ZNF283: variants seen among roughly 807,000 people sequenced by gnomAD.
ZNF283 encodes zinc finger protein 41.
Under a neutral mutation model 9.2 loss-of-function variants are expected in ZNF283, and 10 were observed. That is an observed-to-expected ratio of 1.09 (90% CI 0.67 to 1.85). The LOEUF is 1.85. Among genes scored for constraint, ZNF283 ranks in the 40% most tolerant of loss-of-function variants. ZNF283 has a pLI of 0.00. For synonymous variants in ZNF283, 234 were observed against 244.1 expected (o/e 0.96, Z 0.38); for missense variants, 631 against 760.1 (o/e 0.83, Z 2.00).
rs534239360 is a variant in ZNF283 at position 43,849,871 on chromosome 19, A to G, written c.*1230A>G. 1 of 152,210 alleles carries G rather than the reference A, an allele frequency of 6.6e-6. No homozygotes were observed. The highest frequency in any genetic ancestry group is 2.1e-4 in the South Asian group (1 of 4,826). 9.4% of individuals were successfully genotyped at this position (152,210 alleles called of 1,614,324 possible). On this transcript the variant is annotated 3_prime_UTR_variant, in exon 7 of 7. Transcript: ENST00000618787. ...TTAATACATATTAGCTATTGTTCAT[A>G]TTGTCTTTATTATTAGTATTACTAC...
rs1404768903 is a variant in ZNF283 at position 43,837,052 on chromosome 19, G to A, written c.211-1G>A. On this transcript the variant is annotated splice_acceptor_variant, in intron 5 of 6. Coordinates refer to ENST00000618787, the MANE Select transcript of ZNF283 (RefSeq NM_181845.2). LOFTEE classifies it high-confidence loss of function. ...AGTAATACATGGGTTTTTGGTTTTA[G>A]GGGTTGGTGACATTCAGGGATGTGG... The A allele has an allele frequency of 7.4e-6, 12 of 1,613,618 alleles. No homozygotes were observed. In the Admixed American group the frequency reaches 2.0e-4, roughly 27 times the overall value.
rs72316769 is a variant in ZNF283, at chr19:43,850,441, CTT to C, written c.*1813_*1814del. 8.3e-3 allele frequency: 1,222 copies of C among 146,956 alleles called. 22 individuals are homozygous for C. The highest frequency in any genetic ancestry group is 0.029 in the African/African-American group (1,156 of 39,908). 9.1% of individuals were successfully genotyped at this position (146,956 alleles called of 1,614,324 possible). ...GTGTGATCATATGGTATGTATTTTACTTTTTTTTTTTTTTGGGACAGGATCTC... is the reference window on the plus strand; with the variant it reads ...GTGTGATCATATGGTATGTATTTTACTTTTTTTTTTTTGGGACAGGATCTC... On this transcript the variant is annotated 3_prime_UTR_variant, in exon 7 of 7. Coordinates refer to ENST00000618787, the MANE Select transcript of ZNF283 (RefSeq NM_181845.2).
Position 43,847,505 on chromosome 19 carries a change from C to T in ZNF283, c.904C>T (p.Arg302Cys), listed in dbSNP as rs755039644. 6.2e-6 allele frequency: 10 copies of T among 1,601,206 alleles called. No individual in the cohort carries two copies. The highest frequency in any genetic ancestry group is 3.4e-5 in the Admixed American group (2 of 59,308). Residue 302 changes from arginine to cysteine, a missense_variant, in exon 7 of 7, where the codon CGT (arginine) becomes TGT (cysteine). Arg to Cys is a radical substitution (Grantham distance 180). This residue lies in a region of ZNF283 where 444 missense variants were observed against 522.5 expected (regional missense o/e 0.85). Coordinates refer to ENST00000618787, the MANE Select transcript of ZNF283 (RefSeq NM_181845.2). ...ECKECGKAFS[R>C]GYHLTQHQKI... The stretch of plus-strand genomic sequence containing the variant: ...TAAAGAATGTGGGAAGGCCTTTAGT[C>T]GTGGCTATCACCTTACCCAACATCA...
intron 2 of ZNF283, among the ~76,000 whole-genome samples, chr19:43,830,511 A>G (rs775908850): frequency 2.0e-5 from 3 of 152,172 alleles, no homozygotes; most frequent in Non-Finnish European, 4.4e-5. Flanking sequence ...CAAAGTGTCT[A>G]TAATTTCATG....
chr19:43,832,816 G>T (rs1380117500), intron 3 of ZNF283, among the ~76,000 whole-genome samples: 2 of 152,020 alleles, frequency 1.3e-5, no homozygotes, highest in Admixed American at 1.3e-4. Flanking sequence ...AGGAGTTCGA[G>T]ACCAGCCTGG....
At chr19:43,829,676 A>G (rs1207294750) in intron 2 of ZNF283, among the ~76,000 whole-genome samples, 3 of 152,154 alleles carry the variant, frequency 2.0e-5, no homozygotes, top group African/African-American at 7.2e-5. Flanking sequence ...AACTTTTTAT[A>G]GATTAGAGTA....
chr19:43,835,496 C>T lies in ZNF283; in HGVS notation c.123-9C>T. 1 of 1,602,796 alleles carries T rather than the reference C, an allele frequency of 6.2e-7. No homozygotes were observed. Among genetic ancestry groups the T allele is most frequent in the Non-Finnish European group, 8.5e-7 (1 of 1,172,750 alleles). ...ACACCTGGTTTAACGCTTCGTTTTC[C>T]CTCCCCAGTTCTGGCTTTTCTGGAT... On this transcript the variant is annotated splice_polypyrimidine_tract_variant and intron_variant, in intron 4 of 6. Coordinates refer to ENST00000618787, the MANE Select transcript of ZNF283 (RefSeq NM_181845.2).
chr19:43,845,850 A>C (rs1004728899), intron 6 of ZNF283, among the ~76,000 whole-genome samples: 1 of 152,130 alleles, frequency 6.6e-6, no homozygotes, highest in African/African-American at 2.4e-5. Context: ...TATTGTCAAT[A>C]TACCATGCTG....
At chr19:43,834,410 G>A (rs763002599) in intron 4 of ZNF283, among the ~76,000 whole-genome samples, 17 of 151,444 alleles carry the variant, frequency 1.1e-4, no homozygotes, top group Non-Finnish European at 2.5e-4. Context: ...ATAACTTGGG[G>A]AATTTCATCC....
At chr19:43,827,497 T>G (rs1458096099) in intron 1 of ZNF283, 53 bp downstream of exon 1, 1 of 149,818 alleles carries the variant, frequency 6.7e-6, no homozygotes, top group Non-Finnish European at 1.5e-5. Flanking sequence ...CTGGGAGGGC[T>G]CGGCTGGCTT....
chr19:43,834,107 C>T (rs188890184), intron 4 of ZNF283, among the ~76,000 whole-genome samples: 1 of 152,254 alleles, frequency 6.6e-6, no homozygotes, highest in East Asian at 1.9e-4. Flanking sequence ...TTTTATTCTA[C>T]TAATGTTGGT....
rs1481950477 is a variant in ZNF283, at chr19:43,849,469, C to T, written c.*828C>T. On this transcript the variant is annotated 3_prime_UTR_variant, in exon 7 of 7. Transcript: ENST00000618787. ...TCTCTGATTAGAATAGCAGAATATT[C>T]ATACTATAGCAAGATTTGGCAAATG... 1 of 152,132 alleles carries T rather than the reference C, an allele frequency of 6.6e-6. No individual in the cohort carries two copies. Among genetic ancestry groups the T allele is most frequent in the East Asian group, 1.9e-4 (1 of 5,204 alleles). 9.4% of individuals were successfully genotyped at this position (152,132 alleles called of 1,614,324 possible). A position where few individuals can be genotyped will look rare whatever the true frequency, so the allele number is the denominator to read the frequency against.
chr19:43,831,956 T>C (rs1377404595), intron 3 of ZNF283, among the ~76,000 whole-genome samples: 1 of 150,950 alleles, frequency 6.6e-6, no homozygotes, highest in African/African-American at 2.4e-5. Context: ...TTAAATCCTT[T>C]TTCCTTTGAG....
At position 43,846,917 on chromosome 19, in the gene ZNF283, TGG is replaced by T; in HGVS notation, c.338-21_338-20del. ...TCCCTAGTGAAGGAAATAAAATGTG[TGG>T]TTTTCTTGTTTTCTTTCAGATTTGG... is the stretch of plus-strand genomic sequence containing the variant. On this transcript the variant is annotated intron_variant, in intron 6 of 6. Transcript: ENST00000618787. 1 of 1,430,476 alleles carries T rather than the reference TGG, an allele frequency of 7.0e-7. No individual in the cohort carries two copies. Among genetic ancestry groups the T allele is most frequent in the Non-Finnish European group, 9.3e-7 (1 of 1,079,812 alleles). 88.6% of individuals were successfully genotyped at this position (1,430,476 alleles called of 1,614,324 possible). A position where few individuals can be genotyped will look rare whatever the true frequency, so the allele number is the denominator to read the frequency against.
chr19:43,835,653 A>C, intron 5 of ZNF283, 61 bp downstream of exon 5: 1 of 1,327,192 alleles, frequency 7.5e-7, no homozygotes, highest in Admixed American at 2.0e-5. Flanking sequence ...GAATCTTTTC[A>C]TTAATTTTCC....
At chr19:43,846,123 C>A (rs1400054390) in intron 6 of ZNF283, among the ~76,000 whole-genome samples, 6 of 152,110 alleles carry the variant, frequency 3.9e-5, no homozygotes, top group Non-Finnish European at 8.8e-5. Flanking sequence ...CTCTCAAGAT[C>A]ATTTTGTCTA....
chr19:43,850,396 G>A lies in ZNF283; in HGVS notation c.*1755G>A. On this transcript the variant is annotated 3_prime_UTR_variant, in exon 7 of 7. Transcript: ENST00000618787. ...ATACCTAATAGGATTGGTCAGCCTT[G>A]ATCAATGATCTTTGGAAATGTGTGA... 6.6e-6 allele frequency: 1 copy of A among 151,424 alleles called. No individual in the cohort carries two copies. Among genetic ancestry groups the A allele is most frequent in the Non-Finnish European group, 1.5e-5 (1 of 67,932 alleles). 9.4% of individuals were successfully genotyped at this position (151,424 alleles called of 1,614,324 possible).
Position 43,848,980 on chromosome 19 carries a change from G to T in ZNF283, c.*339G>T. ...GTATTTGTTAAAAAGAGTTTAAATA[G>T]GAGGAATGTGGGAAGGACCTAAACT... On this transcript the variant is annotated 3_prime_UTR_variant, in exon 7 of 7. Coordinates refer to ENST00000618787, the MANE Select transcript of ZNF283 (RefSeq NM_181845.2). 1 of 156,810 alleles carries T rather than the reference G, an allele frequency of 6.4e-6. No homozygotes were observed. The highest frequency in any genetic ancestry group is 1.4e-5 in the Non-Finnish European group (1 of 71,220). The allele number at this position is 156,810 out of a possible 1,614,324, so 9.7% of individuals were successfully genotyped here.
rs1445960763 is a variant in ZNF283, at chr19:43,850,941, AT to A, written c.*2302del. On this transcript the variant is annotated 3_prime_UTR_variant, in exon 7 of 7. Transcript: ENST00000618787. ...ATGTCAGTTCCATCAGAACTAATGC[AT>A]TGATAACTAAATGTCTGTGGTTCCT... The A allele has an allele frequency of 6.6e-6, 1 of 152,240 alleles. No homozygotes were observed. Among genetic ancestry groups the A allele is most frequent in the Non-Finnish European group, 1.5e-5 (1 of 68,038 alleles). 9.4% of individuals were successfully genotyped at this position (152,240 alleles called of 1,614,324 possible).
Sources: gnomAD v4.1 joint callset for allele counts (sites outside exome capture counted in the v4.1 genomes callset) on GRCh38, gnomAD v4.1.1 for gene constraint, gnomAD v4.1.1 regional missense constraint, MANE v1.5 for transcripts, NCBI Gene and HGNC (gene_info 2026-07-23, HGNC 2026-07-21) for gene names.